The following MUC17 variants were observed in gnomAD, a reference collection of about 807,000 sequenced individuals.
The protein encoded by MUC17 is mucin-17.
A neutral mutation model predicts 170.3 loss-of-function variants in MUC17; 190 were observed. The observed-to-expected ratio is 1.12, with a 90% CI of 0.99 to 1.26. The LOEUF (loss-of-function observed/expected upper bound fraction) is 1.26. Among genes scored for constraint, MUC17 ranks in the 50% most tolerant of loss-of-function variants. The pLI is 0.00. For synonymous variants in MUC17, 2,325 were observed against 2,002.5 expected (o/e 1.16, Z -4.30); for missense variants, 6,415 against 5,530.0 (o/e 1.16, Z -5.08).
Position 101,032,927 on chromosome 7 carries a change from C to T in MUC17, c.1511C>T (p.Ser504Leu). ...GCTGAAGTTAACAGCATGCCAACCT[C>T]AACTCCTAGTGAAGGAAGCACTCCA... ...PTAEVNSMPT[S>L]TPSEGSTPLT... Residue 504 changes from serine to leucine, a missense_variant, in exon 3 of 13, where the codon TCA becomes TTA. Ser to Leu is a moderately radical substitution (Grantham distance 145). Coordinates refer to ENST00000306151, the MANE Select transcript of MUC17 (RefSeq NM_001040105.2). The T allele has an allele frequency of 1.2e-6, 2 of 1,614,134 alleles. No individual in the cohort carries two copies. The highest frequency in any genetic ancestry group is 1.7e-6 in the Non-Finnish European group (2 of 1,180,018).
rs1256655487 is a variant in MUC17, at chr7:101,040,076, G to A, written c.8660G>A (p.Ser2887Asn). ...ACGCCGGTGGCCAGTTCTGAGGCTA[G>A]CACCCTTTCAACAACTCCTGTTGAT... ...STTPVASSEA[S>N]TLSTTPVDTS... Residue 2887 changes from serine to asparagine, a missense_variant, in exon 3 of 13, where the codon AGC becomes AAC. Coordinates refer to ENST00000306151, the MANE Select transcript of MUC17 (RefSeq NM_001040105.2). 1.2e-6 allele frequency: 2 copies of A among 1,613,012 alleles called. No individual in the cohort carries two copies. The highest frequency in any genetic ancestry group is 1.7e-4 in the Middle Eastern group (1 of 6,054).
chr7:101,033,298 G>A lies in MUC17; in HGVS notation c.1882G>A (p.Gly628Ser), dbSNP rs772331907. 3.5e-5 allele frequency: 56 copies of A among 1,598,048 alleles called. No homozygotes were observed. Among genetic ancestry groups the A allele is most frequent in the Non-Finnish European group, 4.3e-5 (51 of 1,173,734 alleles). ...SMPTSTYSERGTTITSMSVST... is the reference protein window; with the variant it reads ...SMPTSTYSERSTTITSMSVST... The stretch of plus-strand genomic sequence containing the variant: ...GCCAACCTCAACTTACAGTGAAAGA[G>A]GCACTACAATAACAAGTATGTCTGT... The change falls in exon 3 of 13, where the codon GGC (glycine) becomes AGC (serine). Residue 628 changes from glycine (G) to serine (S), a missense_variant. Physicochemically the swap from Gly to Ser is moderately conservative, Grantham distance 56 (BLOSUM62 0). Coordinates refer to ENST00000306151, the MANE Select transcript of MUC17 (RefSeq NM_001040105.2).
chr7:101,052,677 T>C (rs554011122), intron 9 of MUC17, among the ~76,000 whole-genome samples: 14 of 152,152 alleles, frequency 9.2e-5, no homozygotes, highest in African/African-American at 3.1e-4. Context: ...GCAAGATCAC[T>C]GTGGGGTCCT....
intron 1 of MUC17, among the ~76,000 whole-genome samples, 173 bp downstream of exon 1, chr7:101,020,390 C>CT (rs1195507947): frequency 1.3e-5 from 2 of 152,184 alleles, no homozygotes; most frequent in African/African-American, 4.8e-5. Context: ...CCCCAGCGAG[C>CT]TTTGGGGGAA....
At chr7:101,028,127 C>T (rs1178181074) in intron 1 of MUC17, among the ~76,000 whole-genome samples, 14 of 147,516 alleles carry the variant, frequency 9.5e-5, no homozygotes, top group Non-Finnish European at 1.9e-4. Flanking sequence ...AGTCTTGCTC[C>T]GTCACCCAGG....
chr7:101,038,685 C>T lies in MUC17; in HGVS notation c.7269C>T (p.Asp2423=). The T allele has an allele frequency of 6.2e-7, 1 of 1,614,004 alleles. No homozygotes were observed. Among genetic ancestry groups the T allele is most frequent in the Non-Finnish European group, 8.5e-7 (1 of 1,179,994 alleles). The part of the protein sequence containing the change: ...EASTHSTTPV[D]TSTPVTTSTE... ...GCACCCATTCCACAACTCCTGTTGA[C>T]ACCAGCACACCTGTCACCACTTCTA... is the stretch of plus-strand genomic sequence containing the variant. Residue 2423 remains aspartate (D), a synonymous_variant, in exon 3 of 13, where the codon GAC becomes GAT. Transcript: ENST00000306151.
chr7:101,043,476 C>T lies in MUC17; in HGVS notation c.12060C>T (p.Gly4020=). The change falls in exon 3 of 13, where the codon GGC becomes GGT. Residue 4020 remains glycine, a synonymous_variant. Coordinates refer to ENST00000306151, the MANE Select transcript of MUC17 (RefSeq NM_001040105.2). ...GCACACCCAGAACAACCAGCAGAGG[C>T]TGCACTACTTCTGCATCAACGCTTT... ...APSTPRTTSR[G]CTTSASTLSA... 3 of 1,614,224 alleles carry T rather than the reference C, an allele frequency of 1.9e-6. No homozygotes were observed. Among genetic ancestry groups the T allele is most frequent in the Non-Finnish European group, 1.7e-6 (2 of 1,180,038 alleles).
chr7:101,056,195 T>C lies in MUC17; in HGVS notation c.13365T>C (p.Asp4455=). 3.7e-6 allele frequency: 6 copies of C among 1,613,970 alleles called. No individual in the cohort carries two copies. Among genetic ancestry groups the C allele is most frequent in the Non-Finnish European group, 5.1e-6 (6 of 1,179,846 alleles). The part of the protein sequence containing the change: ...FQNIGFDICQ[D]DDSIHLESIY... ...TGGTGCTTTCCATCCCTCCACAAGA[T>C]GATGATTCCATCCACCTGGAGTCCA... Residue 4455 remains aspartate (D), a splice_region_variant and synonymous_variant, in exon 12 of 13, where the codon GAT becomes GAC. Coordinates refer to ENST00000306151, the MANE Select transcript of MUC17 (RefSeq NM_001040105.2).
Position 101,053,133 on chromosome 7 carries a change from G to T in MUC17, c.13251G>T (p.Lys4417Asn). 6.2e-7 allele frequency: 1 copy of T among 1,613,764 alleles called. No individual in the cohort carries two copies. The highest frequency in any genetic ancestry group is 8.5e-7 in the Non-Finnish European group (1 of 1,179,860). ...VALLMLVFRS[K>N]REVKRQKYRL... ...TCCTGATGCTCGTTTTCCGCTCCAA[G>T]AGAGAGGTGAAACGGTGAGCGAGCC... Residue 4417 changes from lysine (K) to asparagine (N), a missense_variant, in exon 10 of 13, where the codon AAG (lysine) becomes AAT (asparagine). Physicochemically the swap from Lys to Asn is moderately conservative, Grantham distance 94 (BLOSUM62 0). Transcript: ENST00000306151.
rs2116439813 is a variant in MUC17 at position 101,038,591 on chromosome 7, A to C, written c.7175A>C (p.Tyr2392Ser). ...ADDTSMPTST[Y>S]SEGSTPLTSV... is the part of the protein sequence containing the mutation. ...GATACTAGCATGCCAACCTCAACTT[A>C]TAGTGAAGGAAGCACTCCACTAACA... Residue 2392 changes from tyrosine to serine, a missense_variant, in exon 3 of 13, where the codon TAT becomes TCT. Physicochemically the swap from Tyr to Ser is moderately radical, Grantham distance 144. Coordinates refer to ENST00000306151, the MANE Select transcript of MUC17 (RefSeq NM_001040105.2). 6.2e-7 allele frequency: 1 copy of C among 1,612,422 alleles called. No individual in the cohort carries two copies. The highest frequency in any genetic ancestry group is 8.5e-7 in the Non-Finnish European group (1 of 1,179,556).
chr7:101,050,772 G>C, intron 7 of MUC17, 137 bp downstream of exon 7: 1 of 1,287,996 alleles, frequency 7.8e-7, no homozygotes, highest in East Asian at 2.6e-5. Context: ...AGAGTCCCTG[G>C]GGTTGCAGCG....
At position 101,037,698 on chromosome 7, in the gene MUC17, C is replaced by G; in HGVS notation, c.6282C>G (p.Ile2094Met). The G allele has an allele frequency of 6.2e-7, 1 of 1,613,296 alleles. No individual in the cohort carries two copies. Among genetic ancestry groups the G allele is most frequent in the Non-Finnish European group, 8.5e-7 (1 of 1,179,846 alleles). The change falls in exon 3 of 13, where the codon ATC becomes ATG. Residue 2094 changes from isoleucine to methionine, a missense_variant. Coordinates refer to ENST00000306151, the MANE Select transcript of MUC17 (RefSeq NM_001040105.2). ...CCGCTGAAGGTAGCAGCATGACAAT[C>G]TCAGCTCCTAGTGAAGGAAGTCCTC... Reference protein sequence around the residue: ...SATAEGSSMTISAPSEGSPLL... With the variant: ...SATAEGSSMTMSAPSEGSPLL...
In MUC17 at chr7:101,032,129, C is replaced by A. The variant is rs1344738451; in HGVS notation, c.713C>A (p.Thr238Lys). 7 of 1,612,646 alleles carry A rather than the reference C, an allele frequency of 4.3e-6. No homozygotes were observed. In the Admixed American group the frequency reaches 1.0e-4, roughly 23 times the overall value. ...VASSEAITLL[T>K]TPVEISTPVT... ...AGTTCAGAGGCTATCACCCTTTTGA[C>A]AACTCCTGTTGAAATCAGCACACCT... The change falls in exon 3 of 13, where the codon ACA becomes AAA. Residue 238 changes from threonine (T) to lysine (K), a missense_variant. Coordinates refer to ENST00000306151, the MANE Select transcript of MUC17 (RefSeq NM_001040105.2).
chr7:101,049,233 A>G, intron 5 of MUC17, 91 bp from the exon 6 acceptor site: 5 of 1,569,260 alleles, frequency 3.2e-6, no homozygotes, highest in Non-Finnish European at 3.5e-6. Flanking sequence ...GCTGCGGGAC[A>G]GGATCATCCC....
intron 3 of MUC17, 75 bp from the exon 4 acceptor site, chr7:101,047,909 G>A (rs1248816854): frequency 1.4e-6 from 2 of 1,474,356 alleles, no homozygotes; most frequent in Non-Finnish European, 9.0e-7. Context: ...TGTAACCACA[G>A]TAGATCCCTG....
chr7:101,041,916 A>T lies in MUC17; in HGVS notation c.10500A>T (p.Thr3500=), dbSNP rs747568509. 11 of 1,613,164 alleles carry T rather than the reference A, an allele frequency of 6.8e-6. No homozygotes were observed. The South Asian group carries it at 1.2e-4, about 18-fold the overall frequency. Reference sequence around the variant, plus strand: ...CTTCTCCAACCAATTCATCTCCTACAACTGCTGAAGTTACCAGCATGCCAA... The same window carrying T: ...CTTCTCCAACCAATTCATCTCCTACTACTGCTGAAGTTACCAGCATGCCAA... The part of the protein sequence containing the change: ...TTSSPTNSSP[T]TAEVTSMPTS... The change falls in exon 3 of 13, where the codon ACA becomes ACT. Residue 3500 remains threonine, a synonymous_variant. Transcript: ENST00000306151.
chr7:101,050,700 TAGAC>T (rs1326899990), intron 7 of MUC17, 65 bp downstream of exon 7: 11 of 1,565,066 alleles, frequency 7.0e-6, no homozygotes, highest in Middle Eastern at 3.4e-4. Context: ...ACTTTCTTAA[TAGAC>T]AGGAGGGCGG....
At position 101,049,344 on chromosome 7, in the gene MUC17, G is replaced by A. The variant is rs1411152146; in HGVS notation, c.12684G>A (p.Gly4228=). The A allele has an allele frequency of 1.2e-6, 2 of 1,614,086 alleles. No homozygotes were observed. Among genetic ancestry groups the A allele is most frequent in the Admixed American group, 1.7e-5 (1 of 60,010 alleles). The part of the protein sequence containing the change: ...FTEQMNIVYS[G]IPEYVGVNIT... ...TTCAGATGAATATTGTGTATTCCGG[G>A]ATCCCTGAGTATGTCGGGGTGAACA... The change falls in exon 6 of 13, where the codon GGG becomes GGA. Residue 4228 remains glycine (G), a synonymous_variant. Coordinates refer to ENST00000306151, the MANE Select transcript of MUC17 (RefSeq NM_001040105.2).
intron 1 of MUC17, among the ~76,000 whole-genome samples, chr7:101,022,816 T>TAA (rs1049073814): frequency 6.1e-5 from 9 of 148,614 alleles, no homozygotes; most frequent in Non-Finnish European, 1.0e-4. Context: ...ACCCTGTCTC[T>TAA]AAAAAAAAAA....
Sources: allele counts gnomAD v4.1 joint callset (sites outside exome capture counted in the v4.1 genomes callset), GRCh38; gene constraint gnomAD v4.1.1; transcripts MANE v1.5; gene names NCBI Gene and HGNC (gene_info 2026-07-23, HGNC 2026-07-21).